Variants in ASH1L observed in about 807,000 individuals in gnomAD.
ASH1L encodes the protein ASH1 like histone lysine methyltransferase.
A neutral mutation model predicts 269.0 loss-of-function variants in ASH1L; 23 were observed. The ratio of observed to expected loss-of-function variants is 0.09; its 90% CI spans 0.06 to 0.12. The LOEUF (loss-of-function observed/expected upper bound fraction) is 0.12, where lower values mean the gene tolerates loss of function less well. Among genes scored for constraint, ASH1L ranks in the 10% least tolerant of loss-of-function variants. The pLI is 1.00. For missense variants in ASH1L, 2,912 were observed against 3,567.8 expected, an observed-to-expected ratio of 0.82 and a Z score of 4.68; for synonymous variants, 1,187 against 1,253.5, an observed-to-expected ratio of 0.95 and a Z score of 1.12.
intron 12 of ASH1L, chr1:155,370,183 T>A: frequency 3.0e-6 from 1 of 332,556 alleles, no homozygotes; most frequent in Non-Finnish European, 5.7e-6. Context: ...GGACTACAGG[T>A]GTGTACCACC....
intron 5 of ASH1L, among the ~76,000 whole-genome samples, chr1:155,420,134 A>G (rs894030820): frequency 1.3e-5 from 2 of 152,140 alleles, no homozygotes; most frequent in Non-Finnish European, 2.9e-5. Context: ...CCTGGTGAAC[A>G]TGGTGAAACC....
At chr1:155,492,058 G>A (rs1182969452) in intron 2 of ASH1L, among the ~76,000 whole-genome samples, 3 of 138,770 alleles carry the variant, frequency 2.2e-5, no homozygotes, top group Non-Finnish European at 4.7e-5. Flanking sequence ...TTTTTTGATG[G>A]AGTTTCACTC....
chr1:155,444,670 C>G (rs1662862478), intron 4 of ASH1L, among the ~76,000 whole-genome samples: 1 of 151,978 alleles, frequency 6.6e-6, no homozygotes, highest in Non-Finnish European at 1.5e-5. Context: ...GGCCGGAGTA[C>G]AGTGGTGCAA....
At position 155,337,671 on chromosome 1, in the gene ASH1L, A is replaced by T. The variant is rs1422627687; in HGVS notation, c.8884T>A (p.Phe2962Ile). 6.2e-7 allele frequency: 1 copy of T among 1,613,674 alleles called. No individual in the cohort carries two copies. Among genetic ancestry groups the T allele is most frequent in the Non-Finnish European group, 8.5e-7 (1 of 1,179,650 alleles). ...RRTLFIPENSFRK is the reference protein window; with the variant it reads ...RRTLFIPENSIRK ...TCATTCTTTGAGGGTCACTTTCGAA[A>T]GCTGTTTTCTGGGATAAACAAAGTA... The change falls in exon 28 of 28, where the codon TTT becomes ATT. Residue 2962 changes from phenylalanine to isoleucine, a missense_variant. Physicochemically the swap from Phe to Ile is conservative, Grantham distance 21. Transcript: ENST00000392403.
chr1:155,426,847 A>T (rs1284678080), intron 5 of ASH1L, among the ~76,000 whole-genome samples: 1 of 152,168 alleles, frequency 6.6e-6, no homozygotes, highest in Non-Finnish European at 1.5e-5. Flanking sequence ...GTGTTGTTCA[A>T]GGGTCAACTG....
chr1:155,395,440 G>T lies in ASH1L; in HGVS notation c.6103+19C>A, dbSNP rs748581589. On this transcript the variant is annotated intron_variant, in intron 7 of 27. Coordinates refer to ENST00000392403, the MANE Select transcript of ASH1L (RefSeq NM_018489.3). The stretch of plus-strand genomic sequence containing the variant: ...TACTGTTTCTTCTCAGCAATACATT[G>T]TGTGGACTCGGTACTTACCAACATG... The T allele has an allele frequency of 1.3e-6, 2 of 1,561,152 alleles. No individual in the cohort carries two copies. The highest frequency in any genetic ancestry group is 8.7e-7 in the Non-Finnish European group (1 of 1,143,808).
At chr1:155,433,462 G>A in intron 5 of ASH1L, 3 of 1,610,464 alleles carry the variant, frequency 1.9e-6, no homozygotes, top group Non-Finnish European at 2.5e-6. Flanking sequence ...AGACCTCTCA[G>A]CCTGAGGGCG....
intron 2 of ASH1L, among the ~76,000 whole-genome samples, chr1:155,486,435 A>T (rs983170949): frequency 6.6e-6 from 1 of 152,214 alleles, no homozygotes; most frequent in Non-Finnish European, 1.5e-5. Context: ...AAATAAAAAA[A>T]AAAAAATAGA....
intron 1 of ASH1L, among the ~76,000 whole-genome samples, chr1:155,552,459 T>G (rs1671285223): frequency 6.7e-6 from 1 of 148,886 alleles, no homozygotes; most frequent in Non-Finnish European, 1.5e-5. Flanking sequence ...AGAGTGAGAC[T>G]CTGTCTCAAA....
chr1:155,525,854 C>CA (rs1203257969), intron 1 of ASH1L, among the ~76,000 whole-genome samples: 10 of 152,018 alleles, frequency 6.6e-5, no homozygotes, highest in African/African-American at 1.9e-4. Flanking sequence ...ATGCTCAAGT[C>CA]ACTTATATAA....
chr1:155,355,073 TGA>T (rs771127689), intron 15 of ASH1L, among the ~76,000 whole-genome samples: 10 of 152,172 alleles, frequency 6.6e-5, no homozygotes, highest in African/African-American at 9.7e-5. Flanking sequence ...ACTTTTTTTT[TGA>T]GTCGACGTCT....
chr1:155,435,057 C>T (rs1277488160), intron 5 of ASH1L, among the ~76,000 whole-genome samples: 1 of 151,430 alleles, frequency 6.6e-6, no homozygotes, highest in East Asian at 1.9e-4. Context: ...ACTTGGGTGG[C>T]TGAGGCATGA....
In ASH1L at chr1:155,344,527, G is replaced by C. The variant is rs78263769; in HGVS notation, c.7891-254C>G. On this transcript the variant is annotated intron_variant, in intron 21 of 27. Coordinates refer to ENST00000392403, the MANE Select transcript of ASH1L (RefSeq NM_018489.3). ...TGTAGTTGCTCTACGTAATCTAGGG[G>C]CCATATGAAAATGTGTGAAGGGAGA... 1,086 of 343,886 alleles carry C rather than the reference G, an allele frequency of 3.2e-3. 11 individuals carry two copies. Among genetic ancestry groups the C allele is most frequent in the African/African-American group, 0.022 (1,035 of 47,410 alleles). The allele number at this position is 343,886 out of a possible 1,614,324, so 21.3% of individuals were successfully genotyped here. A position where few individuals can be genotyped will look rare whatever the true frequency, so the allele number is the denominator to read the frequency against.
At chr1:155,437,743 C>T (rs1571215066) in intron 5 of ASH1L, among the ~76,000 whole-genome samples, 1 of 152,162 alleles carries the variant, frequency 6.6e-6, no homozygotes, top group Non-Finnish European at 1.5e-5. Flanking sequence ...ATAAAATGAT[C>T]ACAGAGCTCA....
chr1:155,399,818 T>C (rs1658679392), intron 6 of ASH1L, among the ~76,000 whole-genome samples: 2 of 152,008 alleles, frequency 1.3e-5, no homozygotes, highest in South Asian at 2.1e-4. Flanking sequence ...GTAGGGAAGG[T>C]AGTTCATACT....
chr1:155,445,550 T>TA lies in ASH1L; in HGVS notation c.5087-6483dup. Among the ~76,000 whole-genome samples, 3 of 152,226 alleles carry TA rather than the reference T, an allele frequency of 2.0e-5. No homozygotes were observed. The South Asian group carries it at 6.2e-4, about 32-fold the overall frequency. ...AGTGTCTGTCGCCCAGGCTGGTCTT[T>TA]AACTTCTGGGCTCAAGTGATCTTCC... On this transcript the variant is annotated intron_variant, in intron 4 of 27. Coordinates refer to ENST00000392403, the MANE Select transcript of ASH1L (RefSeq NM_018489.3).
intron 2 of ASH1L, among the ~76,000 whole-genome samples, chr1:155,502,890 T>C (rs1667601963): frequency 6.6e-6 from 1 of 152,220 alleles, no homozygotes; most frequent in Non-Finnish European, 1.5e-5. Flanking sequence ...CAAATAGAAT[T>C]TTTAAGAGTT....
chr1:155,450,722 A>C (rs1245900351), intron 4 of ASH1L, among the ~76,000 whole-genome samples: 1 of 152,272 alleles, frequency 6.6e-6, no homozygotes, highest in African/African-American at 2.4e-5. Context: ...AACTGAAAGC[A>C]GGGTCTGGAA....
At chr1:155,466,187 T>C (rs1664686229) in intron 3 of ASH1L, among the ~76,000 whole-genome samples, 1 of 152,048 alleles carries the variant, frequency 6.6e-6, no homozygotes. Context: ...ACCCCGTCTC[T>C]ACTAAAAATA....
Sources: gnomAD v4.1 joint callset for allele counts (sites outside exome capture counted in the v4.1 genomes callset) on GRCh38, gnomAD v4.1.1 for gene constraint, MANE v1.5 for transcripts, NCBI Gene and HGNC (gene_info 2026-07-23, HGNC 2026-07-21) for gene names.